Variants in TECRL observed in about 807,000 individuals in gnomAD.
TECRL encodes trans-2,3-enoyl-CoA reductase like.
A neutral mutation model predicts 52.8 loss-of-function variants in TECRL; 63 were observed. The observed-to-expected ratio is 1.19, with a 90% confidence interval of 0.97 to 1.47. The LOEUF (loss-of-function observed/expected upper bound fraction) is 1.47. TECRL is among the 40% of genes most tolerant of loss of function. The probability of loss-of-function intolerance (pLI) is 0.00; values close to 1 mark genes in which losing one functional copy is unlikely to be tolerated. For missense variants in TECRL, 482 were observed against 429.6 expected (o/e 1.12, Z -1.08); for synonymous variants, 164 against 141.9 (o/e 1.16, Z -1.10).
chr4:64,346,744 C>T (rs1158756673), intron 2 of TECRL, among the ~76,000 whole-genome samples: 3 of 152,204 alleles, frequency 2.0e-5, no homozygotes, highest in Non-Finnish European at 2.9e-5. Flanking sequence ...GAATTGTCCC[C>T]ATTGTCTTGG....
chr4:64,368,135 T>C (rs995122643), intron 2 of TECRL, among the ~76,000 whole-genome samples: 4 of 152,160 alleles, frequency 2.6e-5, no homozygotes, highest in Admixed American at 2.0e-4. Flanking sequence ...TGTCCACTTG[T>C]GTATATAGCT....
chr4:64,328,985 A>G (rs999263172), intron 2 of TECRL, among the ~76,000 whole-genome samples: 19 of 151,986 alleles, frequency 1.3e-4, no homozygotes, highest in African/African-American at 4.6e-4. Flanking sequence ...TTTCTCTATC[A>G]AGAGTAAATA....
At chr4:64,360,327 T>C (rs557610257) in intron 2 of TECRL, among the ~76,000 whole-genome samples, 2 of 152,258 alleles carry the variant, frequency 1.3e-5, no homozygotes, top group South Asian at 2.1e-4. Flanking sequence ...TAAAGTTGAG[T>C]AATAATTTCT....
At chr4:64,340,765 AC>A (rs1186384489) in intron 2 of TECRL, among the ~76,000 whole-genome samples, 3 of 152,104 alleles carry the variant, frequency 2.0e-5, no homozygotes, top group East Asian at 1.9e-4. Flanking sequence ...AAGGATGGGG[AC>A]CCAGCTGCCA....
chr4:64,327,243 C>T (rs549755172), intron 3 of TECRL, among the ~76,000 whole-genome samples: 7 of 151,918 alleles, frequency 4.6e-5, no homozygotes, highest in Admixed American at 2.0e-4. Context: ...AAGGACACTG[C>T]GACAACTATA....
At chr4:64,305,139 G>A (rs778372542) in intron 7 of TECRL, 27 bp downstream of exon 7, 60 of 1,556,924 alleles carry the variant, frequency 3.9e-5, no homozygotes, top group East Asian at 2.0e-4. Context: ...TTTAGTATAC[G>A]GTTAGTTAAG....
intron 2 of TECRL, among the ~76,000 whole-genome samples, chr4:64,361,034 G>C (rs1045205993): frequency 2.7e-5 from 4 of 150,912 alleles, no homozygotes; most frequent in Non-Finnish European, 5.9e-5. Flanking sequence ...GAGCGGGGTG[G>C]CCTTCCCCAT....
chr4:64,317,915 G>T (rs928423362), intron 4 of TECRL, among the ~76,000 whole-genome samples: 1 of 152,028 alleles, frequency 6.6e-6, no homozygotes, highest in African/African-American at 2.4e-5. Flanking sequence ...TTTTGATGGG[G>T]CCTGGGAATA....
At position 64,353,008 on chromosome 4, in the gene TECRL, T is replaced by G. The variant is rs530972856; in HGVS notation, c.286+22164A>C. Among the ~76,000 whole-genome samples the G allele has an allele frequency of 2.6e-5, 4 of 152,302 alleles. No homozygotes were observed. In the East Asian group the frequency reaches 7.7e-4, roughly 29 times the overall value. On this transcript the variant is annotated intron_variant, in intron 2 of 11. Transcript: ENST00000381210. The stretch of plus-strand genomic sequence containing the variant: ...AGCTTGGATTACAGGCACAAGCCAC[T>G]GCACCCAATTCAATACTTTGTTTCT...
intron 1 of TECRL, among the ~76,000 whole-genome samples, chr4:64,393,319 C>T (rs1270745651): frequency 1.3e-5 from 2 of 152,018 alleles, no homozygotes; most frequent in African/African-American, 2.4e-5. Flanking sequence ...TACCTAACTC[C>T]AAAGGGATAG....
chr4:64,365,523 C>T (rs1341377893), intron 2 of TECRL, among the ~76,000 whole-genome samples: 1 of 152,046 alleles, frequency 6.6e-6, no homozygotes, highest in Non-Finnish European at 1.5e-5. Flanking sequence ...TAATAAACCA[C>T]CTCAGCAAAT....
intron 2 of TECRL, among the ~76,000 whole-genome samples, chr4:64,374,501 G>A (rs986602994): frequency 2.6e-5 from 4 of 151,728 alleles, no homozygotes; most frequent in African/African-American, 9.7e-5. Flanking sequence ...ATGTTGGTGT[G>A]CTGCACCCAT....
rs898408401 is a variant in TECRL, at chr4:64,336,424, G to C, written c.287-7868C>G. 8.5e-5 allele frequency among the ~76,000 whole-genome samples: 13 copies of C among 152,084 alleles called. No individual in the cohort carries two copies. In the South Asian group the frequency reaches 2.7e-3, roughly 32 times the overall value. On this transcript the variant is annotated intron_variant, in intron 2 of 11. Coordinates refer to ENST00000381210, the MANE Select transcript of TECRL (RefSeq NM_001010874.5). ...CTCTTCTTTATTAGTCTTGCTAGTG[G>C]TCTATCAATTTTGTTGATCTTTTCA...
chr4:64,359,203 T>C (rs6858250), intron 2 of TECRL, among the ~76,000 whole-genome samples: 136,390 of 151,800 alleles, frequency 0.9, 61,936 homozygotes, highest in East Asian at 1. Context: ...AAAAAGTATG[T>C]GTGCTTATTA....
intron 9 of TECRL, among the ~76,000 whole-genome samples, chr4:64,287,425 A>G (rs147633976): frequency 6.6e-6 from 1 of 152,298 alleles, no homozygotes; most frequent in Non-Finnish European, 1.5e-5. Context: ...GCCTGCCAGA[A>G]GCGTGGAAGG....
At chr4:64,302,364 G>C (rs1025658829) in intron 7 of TECRL, among the ~76,000 whole-genome samples, 4 of 151,298 alleles carry the variant, frequency 2.6e-5, no homozygotes, top group African/African-American at 9.7e-5. Context: ...TCTGAAAGGA[G>C]TGGGAAAAAG....
chr4:64,395,178 C>G (rs1458521154), intron 1 of TECRL, among the ~76,000 whole-genome samples: 1 of 151,968 alleles, frequency 6.6e-6, no homozygotes, highest in Admixed American at 6.6e-5. Context: ...TCTCAGCCCC[C>G]CAAATTGCTG....
rs78925848 is a variant in TECRL, at chr4:64,390,416, G to A, written c.235-15193C>T. Among the ~76,000 whole-genome samples, 270 of 151,954 alleles carry A rather than the reference G, an allele frequency of 1.8e-3. 1 individual carries two copies. Among genetic ancestry groups the A allele is most frequent in the African/African-American group, 6.0e-3 (250 of 41,522 alleles). On this transcript the variant is annotated intron_variant, in intron 1 of 11. Coordinates refer to ENST00000381210, the MANE Select transcript of TECRL (RefSeq NM_001010874.5). ...TGTGAAATGTAACAGGAAGTTACAAGTTTAGCATATAAGCAGAAGTTTTAA... is the reference window on the plus strand; with the variant it reads ...TGTGAAATGTAACAGGAAGTTACAAATTTAGCATATAAGCAGAAGTTTTAA...
intron 2 of TECRL, among the ~76,000 whole-genome samples, chr4:64,371,144 T>C (rs1721947364): frequency 6.6e-6 from 1 of 151,604 alleles, no homozygotes; most frequent in South Asian, 2.1e-4. Context: ...GGAGTGCCAT[T>C]TAGGGCATCT....
Sources: gnomAD v4.1 joint callset for allele counts (sites outside exome capture counted in the v4.1 genomes callset) on GRCh38, gnomAD v4.1.1 for gene constraint, MANE v1.5 for transcripts, NCBI Gene and HGNC (gene_info 2026-07-23, HGNC 2026-07-21) for gene names.